Variants in REC114 observed in about 807,000 individuals in gnomAD.
REC114 encodes the protein meiotic recombination protein REC114.
In REC114, 27 loss-of-function variants were observed where a neutral mutation model predicts 31.3. The observed-to-expected ratio is 0.86, with a 90% CI of 0.64 to 1.19. REC114 has a LOEUF of 1.19. Among genes scored for constraint, REC114 ranks in the 50% most tolerant of loss-of-function variants. REC114 has a pLI of 0.00. For synonymous variants in REC114, 134 were observed against 127.7 expected (o/e 1.05, Z -0.33); for missense variants, 344 against 326.9 (o/e 1.05, Z -0.40).
At chr15:73,455,885 A>T (rs991984283) in intron 1 of REC114, among the ~76,000 whole-genome samples, 8 of 152,198 alleles carry the variant, frequency 5.3e-5, no homozygotes, top group African/African-American at 1.9e-4. Flanking sequence ...ATGAGATTCT[A>T]GTTCTAACAA....
chr15:73,483,063 TCCTTATGG>T (rs1212191942), intron 2 of REC114: 1 of 152,228 alleles, frequency 6.6e-6, no homozygotes. Flanking sequence ...AGGTGGTATC[TCCTTATGG>T]TTTTGATTTG....
At chr15:73,555,669 C>T (rs554026015) in intron 4 of REC114, among the ~76,000 whole-genome samples, 2 of 152,254 alleles carry the variant, frequency 1.3e-5, no homozygotes, top group Admixed American at 1.3e-4. Context: ...TTCTTTGTCG[C>T]TCCTATCCCC....
intron 1 of REC114, among the ~76,000 whole-genome samples, chr15:73,465,794 G>A (rs1893048645): frequency 6.6e-6 from 1 of 151,960 alleles, no homozygotes; most frequent in Non-Finnish European, 1.5e-5. Context: ...TACAGTATAA[G>A]GCAGGAAAAA....
At chr15:73,514,136 T>C (rs1335151106) in intron 2 of REC114, among the ~76,000 whole-genome samples, 1 of 151,954 alleles carries the variant, frequency 6.6e-6, no homozygotes, top group African/African-American at 2.4e-5. Flanking sequence ...GTGTGGGATA[T>C]AGTCTCGTGG....
At chr15:73,541,009 AAC>A (rs1894230931) in intron 3 of REC114, among the ~76,000 whole-genome samples, 1 of 152,248 alleles carries the variant, frequency 6.6e-6, no homozygotes, top group African/African-American at 2.4e-5. Flanking sequence ...TCATCAAAGA[AAC>A]AGTCATATTA....
At chr15:73,540,355 T>G in intron 2 of REC114, 130 bp from the exon 3 acceptor site, 1 of 745,548 alleles carries the variant, frequency 1.3e-6, no homozygotes, top group Non-Finnish European at 2.4e-6. Context: ...CTGGTTTTAT[T>G]GAGTCATTGC....
chr15:73,479,989 A>G (rs373714067), intron 2 of REC114, among the ~76,000 whole-genome samples: 1 of 152,148 alleles, frequency 6.6e-6, no homozygotes, highest in Admixed American at 6.5e-5. Context: ...AATTCTATTT[A>G]TAATTTTTTG....
intron 4 of REC114, 58 bp downstream of exon 4, chr15:73,551,208 T>A: frequency 1.4e-6 from 2 of 1,401,162 alleles, no homozygotes; most frequent in Non-Finnish European, 2.0e-6. Context: ...GCACAATGAG[T>A]GGCCAAAATG....
Position 73,525,120 on chromosome 15 carries a change from G to A in REC114, c.250-15365G>A, listed in dbSNP as rs564163910. Among the ~76,000 whole-genome samples the A allele has an allele frequency of 9.8e-4, 149 of 152,252 alleles. 1 individual carries two copies. Among genetic ancestry groups the A allele is most frequent in the African/African-American group, 3.3e-3 (138 of 41,540 alleles). On this transcript the variant is annotated intron_variant, in intron 2 of 5. Transcript: ENST00000331090. ...GGCAATAGTTTTTTGGGATGCTCAA[G>A]GCATTTTGCTTGTTGACTTGCTGGA...
chr15:73,538,607 C>T (rs138462522), intron 2 of REC114, among the ~76,000 whole-genome samples: 7,499 of 151,872 alleles, frequency 0.049, 204 homozygotes, highest in South Asian at 0.092. Context: ...CAGGCACCCG[C>T]CACCGCACCC....
At chr15:73,472,831 G>A (rs1893152171) in intron 1 of REC114, among the ~76,000 whole-genome samples, 1 of 152,096 alleles carries the variant, frequency 6.6e-6, no homozygotes, top group Non-Finnish European at 1.5e-5. Flanking sequence ...AAGGTTTTAT[G>A]TTTAGGTTCA....
intron 1 of REC114, among the ~76,000 whole-genome samples, chr15:73,456,142 C>G (rs1157539402): frequency 1.3e-5 from 2 of 152,030 alleles, no homozygotes; most frequent in African/African-American, 4.8e-5. Context: ...GTTGGCTCAG[C>G]CTTTCTGAAA....
In REC114 at chr15:73,511,220, T is replaced by A. The variant is rs1218716263; in HGVS notation, c.250-29265T>A. 5.3e-5 allele frequency among the ~76,000 whole-genome samples: 8 copies of A among 152,322 alleles called. No individual in the cohort carries two copies. The South Asian group carries it at 1.7e-3, about 32-fold the overall frequency. The stretch of plus-strand genomic sequence containing the variant: ...TATCCATTTCTTGTAGATTTTCTAG[T>A]TTATTTGCGTAGAGGTGTTTGTAGT... On this transcript the variant is annotated intron_variant, in intron 2 of 5. Coordinates refer to ENST00000331090, the MANE Select transcript of REC114 (RefSeq NM_001042367.2).
rs139799391 is a variant in REC114 at position 73,548,180 on chromosome 15, C to G, written c.334-2758C>G. 1.2e-3 allele frequency among the ~76,000 whole-genome samples: 179 copies of G among 152,238 alleles called. No homozygotes were observed. The East Asian group carries it at 0.026, about 22-fold the overall frequency. On this transcript the variant is annotated intron_variant, in intron 3 of 5. Transcript: ENST00000331090. The stretch of plus-strand genomic sequence containing the variant: ...CTGGAGTGCAGTGGTGTGCTCTAGG[C>G]TCACTGCAACCTCCACCTCCCGGGT...
chr15:73,478,327 T>G (rs896201750), intron 2 of REC114, among the ~76,000 whole-genome samples: 2 of 151,950 alleles, frequency 1.3e-5, no homozygotes, highest in Admixed American at 1.3e-4. Context: ...ATCGATTATT[T>G]TAGTACCATT....
chr15:73,464,196 C>T (rs1460227335), intron 1 of REC114, among the ~76,000 whole-genome samples: 1 of 151,832 alleles, frequency 6.6e-6, no homozygotes, highest in Non-Finnish European at 1.5e-5. Flanking sequence ...CTCCTGCTTG[C>T]TCTTTTAAAC....
chr15:73,464,413 T>TC (rs1436990153), intron 1 of REC114, among the ~76,000 whole-genome samples: 1 of 152,128 alleles, frequency 6.6e-6, no homozygotes, highest in African/African-American at 2.4e-5. Context: ...AGCAGCTTGT[T>TC]CCCCCGGGAG....
At chr15:73,546,434 A>C (rs1018126399) in intron 3 of REC114, among the ~76,000 whole-genome samples, 1 of 152,184 alleles carries the variant, frequency 6.6e-6, no homozygotes, top group African/African-American at 2.4e-5. Flanking sequence ...TATAATAGGA[A>C]CAAAGGCTGG....
intron 2 of REC114, among the ~76,000 whole-genome samples, chr15:73,533,990 G>A (rs1205617818): frequency 1.7e-5 from 2 of 115,752 alleles, no homozygotes; most frequent in African/African-American, 7.0e-5. Flanking sequence ...TGAAACCAAC[G>A]AGAACAAAGA....
Sources: gnomAD v4.1 joint callset for allele counts (sites outside exome capture counted in the v4.1 genomes callset) on GRCh38, gnomAD v4.1.1 for gene constraint, MANE v1.5 for transcripts, NCBI Gene and HGNC (gene_info 2026-07-23, HGNC 2026-07-21) for gene names.